Variants in COL13A1 observed in about 807,000 individuals in gnomAD.
COL13A1 encodes the protein collagen type XIII alpha 1 chain.
In COL13A1, 89 loss-of-function variants were observed where a neutral mutation model predicts 130.9. The observed-to-expected ratio is 0.68, with a 90% confidence interval of 0.57 to 0.81. The LOEUF (loss-of-function observed/expected upper bound fraction) is 0.81, where lower values mean the gene tolerates loss of function less well. Ranked by LOEUF, COL13A1 falls within the 30% of genes least tolerant of loss-of-function variation. The pLI is 0.00. For synonymous variants in COL13A1, 402 were observed against 341.6 expected, an observed-to-expected ratio of 1.18 and a Z score of -1.95; for missense variants, 879 against 934.6, an observed-to-expected ratio of 0.94 and a Z score of 0.78.
At position 69,882,012 on chromosome 10, in the gene COL13A1, C is replaced by T. The variant is rs566621900; in HGVS notation, c.513+1459C>T. Among the ~76,000 whole-genome samples, 61 of 152,342 alleles carry T rather than the reference C, an allele frequency of 4.0e-4. 3 individuals are homozygous for T. In the South Asian group the frequency reaches 0.013, roughly 32 times the overall value. The stretch of plus-strand genomic sequence containing the variant: ...TGTCACTGTCGCATGTGCTCCTGGG[C>T]TCACACGGTGGCTGCCCCGATGGGC... On this transcript the variant is annotated intron_variant, in intron 7 of 40. Coordinates refer to ENST00000645393, the MANE Select transcript of COL13A1 (RefSeq NM_001368882.1).
At chr10:69,910,296 C>T (rs2063226090) in intron 17 of COL13A1, among the ~76,000 whole-genome samples, 1 of 151,882 alleles carries the variant, frequency 6.6e-6, no homozygotes, top group African/African-American at 2.4e-5. Context: ...AGGAGCAGTG[C>T]CAGCAGCTGG....
intron 38 of COL13A1, among the ~76,000 whole-genome samples, chr10:69,950,508 C>T (rs1231546998): frequency 6.6e-6 from 1 of 152,160 alleles, no homozygotes; most frequent in African/African-American, 2.4e-5. Context: ...ATTTGCCCGG[C>T]TTCTTCATTA....
chr10:69,936,870 G>T, intron 33 of COL13A1, 88 bp downstream of exon 33: 1 of 1,536,132 alleles, frequency 6.5e-7, no homozygotes, highest in Non-Finnish European at 9.0e-7. Flanking sequence ...CTTTTTCCTA[G>T]AAGGCATTAG....
chr10:69,918,056 C>T (rs1464099057), intron 18 of COL13A1, among the ~76,000 whole-genome samples: 1 of 152,028 alleles, frequency 6.6e-6, no homozygotes, highest in Non-Finnish European at 1.5e-5. Flanking sequence ...GTTGGGAAGC[C>T]CAGGGAGCCC....
chr10:69,807,092 G>A (rs972233639), intron 1 of COL13A1, among the ~76,000 whole-genome samples: 1 of 152,206 alleles, frequency 6.6e-6, no homozygotes, highest in African/African-American at 2.4e-5. Context: ...CACCTTTAAG[G>A]TGAGTTTTGA....
chr10:69,878,033 C>T lies in COL13A1; in HGVS notation c.436-6C>T. 1 of 702,980 alleles carries T rather than the reference C, an allele frequency of 1.4e-6. No individual in the cohort carries two copies. The highest frequency in any genetic ancestry group is 2.6e-6 in the Non-Finnish European group (1 of 385,010). 43.5% of individuals were successfully genotyped at this position (702,980 alleles called of 1,614,324 possible). ...CTGCACCCTGTGTTGCATGTGGCTG[C>T]CCCAGGGAGTAAAGGGCCAACCAGG... On this transcript the variant is annotated splice_region_variant and splice_polypyrimidine_tract_variant and intron_variant, in intron 5 of 40. Coordinates refer to ENST00000645393, the MANE Select transcript of COL13A1 (RefSeq NM_001368882.1).
At chr10:69,910,122 G>A (rs1029828291) in intron 17 of COL13A1, among the ~76,000 whole-genome samples, 3 of 152,108 alleles carry the variant, frequency 2.0e-5, no homozygotes, top group Non-Finnish European at 2.9e-5. Context: ...GTGGAGGGCT[G>A]TCCCCCTACC....
intron 2 of COL13A1, among the ~76,000 whole-genome samples, chr10:69,865,637 T>C (rs957367603): frequency 3.9e-5 from 6 of 152,218 alleles, no homozygotes; most frequent in African/African-American, 1.4e-4. Flanking sequence ...CTGAAATCCC[T>C]GTAGGGGACA....
At chr10:69,867,125 G>GGCC (rs1353330487) in intron 2 of COL13A1, among the ~76,000 whole-genome samples, 4 of 152,150 alleles carry the variant, frequency 2.6e-5, no homozygotes, top group Non-Finnish European at 4.4e-5. Flanking sequence ...CTGCTGCTGC[G>GGCC]GCCGTGGGAG....
chr10:69,869,758 T>C (rs2058874061), intron 3 of COL13A1, among the ~76,000 whole-genome samples: 1 of 152,242 alleles, frequency 6.6e-6, no homozygotes, highest in Admixed American at 6.5e-5. Context: ...TGACATCTAT[T>C]GGCCATCCCT....
intron 6 of COL13A1, among the ~76,000 whole-genome samples, chr10:69,878,354 T>C (rs1447260364): frequency 1.3e-5 from 2 of 152,194 alleles, no homozygotes; most frequent in African/African-American, 4.8e-5. Context: ...AATCGCTATT[T>C]TGTGTAGCTG....
At chr10:69,826,624 C>T (rs1451938404) in intron 2 of COL13A1, among the ~76,000 whole-genome samples, 1 of 152,272 alleles carries the variant, frequency 6.6e-6, no homozygotes, top group Middle Eastern at 3.4e-3. Context: ...CAAGGAGAGG[C>T]CTTGGAGGTT....
At chr10:69,900,861 T>C (rs535103152) in intron 14 of COL13A1, among the ~76,000 whole-genome samples, 1 of 152,336 alleles carries the variant, frequency 6.6e-6, no homozygotes, top group East Asian at 1.9e-4. Context: ...AGAATTCAAC[T>C]TCTTGGAGCC....
At chr10:69,935,117 T>G (rs1201445423) in intron 31 of COL13A1, among the ~76,000 whole-genome samples, 1 of 152,136 alleles carries the variant, frequency 6.6e-6, no homozygotes, top group African/African-American at 2.4e-5. Context: ...GAATAGATCT[T>G]TAGGGACAGT....
intron 2 of COL13A1, among the ~76,000 whole-genome samples, chr10:69,826,373 C>T (rs1009650148): frequency 6.6e-6 from 1 of 152,196 alleles, no homozygotes; most frequent in African/African-American, 2.4e-5. Context: ...AGGCCAGAGT[C>T]ATGCCCTGAC....
intron 39 of COL13A1, chr10:69,955,450 A>G (rs1243676658): frequency 6.6e-6 from 1 of 152,206 alleles, no homozygotes; most frequent in Non-Finnish European, 1.5e-5. Context: ...CAATCTGGGC[A>G]CCTTTAGTTC....
intron 1 of COL13A1, among the ~76,000 whole-genome samples, chr10:69,819,748 G>A (rs1328114729): frequency 6.6e-6 from 1 of 152,152 alleles, no homozygotes; most frequent in African/African-American, 2.4e-5. Flanking sequence ...CATGAGCTGT[G>A]GTGCTTTATG....
chr10:69,869,087 A>G (rs1190804546), intron 3 of COL13A1, among the ~76,000 whole-genome samples: 2 of 152,176 alleles, frequency 1.3e-5, no homozygotes, highest in African/African-American at 2.4e-5. Context: ...CCAGGATGCC[A>G]GGACAGCTCT....
intron 2 of COL13A1, among the ~76,000 whole-genome samples, chr10:69,831,671 G>A (rs563264477): frequency 6.6e-6 from 1 of 152,302 alleles, no homozygotes; most frequent in Non-Finnish European, 1.5e-5. Context: ...TTATGCCTCT[G>A]ACTCACTCAC....
Sources: gnomAD v4.1 joint callset for allele counts (sites outside exome capture counted in the v4.1 genomes callset) on GRCh38, gnomAD v4.1.1 for gene constraint, MANE v1.5 for transcripts, NCBI Gene and HGNC (gene_info 2026-07-23, HGNC 2026-07-21) for gene names.